CNTN6: variants seen among roughly 807,000 people sequenced by gnomAD.
The protein encoded by CNTN6 is contactin-6.
In CNTN6, 137 loss-of-function variants were observed where a neutral mutation model predicts 122.8. The observed-to-expected ratio is 1.12, with a 90% CI of 0.97 to 1.29. The LOEUF (loss-of-function observed/expected upper bound fraction) is 1.29, where lower values mean the gene tolerates loss of function less well. Among genes scored for constraint, CNTN6 ranks in the 50% most tolerant of loss-of-function variants. The pLI is 0.00. For synonymous variants in CNTN6, 570 were observed against 426.0 expected (o/e 1.34, Z -4.16); for missense variants, 1,634 against 1,223.4 (o/e 1.34, Z -5.01).
rs369696302 is a variant in CNTN6, at chr3:1,389,542, A to C, written c.2704+3745A>C. Reference sequence around the variant, plus strand: ...TCACCAGCTAACATCATAATATGACAGGATCAAATTCACACATAACAATAT... The same window carrying C: ...TCACCAGCTAACATCATAATATGACCGGATCAAATTCACACATAACAATAT... On this transcript the variant is annotated intron_variant, in intron 20 of 22. Coordinates refer to ENST00000446702, the MANE Select transcript of CNTN6 (RefSeq NM_001289080.2). Among the ~76,000 whole-genome samples, 6 of 150,942 alleles carry C rather than the reference A, an allele frequency of 4.0e-5. No homozygotes were observed. The South Asian group carries it at 6.3e-4, about 16-fold the overall frequency.
At chr3:1,214,474 A>T (rs1029885765) in intron 2 of CNTN6, among the ~76,000 whole-genome samples, 1 of 151,298 alleles carries the variant, frequency 6.6e-6, no homozygotes, top group South Asian at 2.1e-4. Context: ...ACGCCCAGCT[A>T]ATTTTTTATA....
chr3:1,108,741 T>G (rs2125005797), intron 1 of CNTN6, among the ~76,000 whole-genome samples: 1 of 152,204 alleles, frequency 6.6e-6, no homozygotes, highest in Admixed American at 6.5e-5. Context: ...CTTACCCGTT[T>G]AAGTTGAAAA....
chr3:1,329,816 T>C lies in CNTN6; in HGVS notation c.1245T>C (p.Val415=), dbSNP rs1559841240. 4 of 1,605,440 alleles carry C rather than the reference T, an allele frequency of 2.5e-6. No individual in the cohort carries two copies. The highest frequency in any genetic ancestry group is 3.4e-6 in the Non-Finnish European group (4 of 1,176,612). The change falls in exon 11 of 23, where the codon GTT becomes GTC. Residue 415 remains valine (V), a synonymous_variant. Transcript: ENST00000446702. ...ASAPDFSKSP[V]KKKSFVQVGG... ...CTCCAGATTTCTCCAAAAGTCCAGT[T>C]AAAAAAAAGTCTTTTGTTCAAGTTG... is the stretch of plus-strand genomic sequence containing the variant.
chr3:1,342,188 G>A (rs1192942558), intron 11 of CNTN6, among the ~76,000 whole-genome samples: 1 of 152,080 alleles, frequency 6.6e-6, no homozygotes, highest in Non-Finnish European at 1.5e-5. Flanking sequence ...TGAGTGTAGT[G>A]GCACGATCTC....
At chr3:1,360,697 G>T (rs541659869) in intron 12 of CNTN6, among the ~76,000 whole-genome samples, 22 of 151,446 alleles carry the variant, frequency 1.5e-4, no homozygotes, top group Middle Eastern at 3.4e-3. Flanking sequence ...TTATCTATAA[G>T]TTAATTCCCA....
chr3:1,110,284 A>C (rs997075247), intron 1 of CNTN6, among the ~76,000 whole-genome samples: 12 of 152,126 alleles, frequency 7.9e-5, no homozygotes, highest in African/African-American at 2.9e-4. Flanking sequence ...AACATATCCA[A>C]CTCTGCTAAA....
Position 1,191,008 on chromosome 3 carries a change from T to C in CNTN6, c.56-29679T>C, listed in dbSNP as rs371168911. Among the ~76,000 whole-genome samples, 5 of 152,326 alleles carry C rather than the reference T, an allele frequency of 3.3e-5. No individual in the cohort carries two copies. The East Asian group carries it at 9.6e-4, about 29-fold the overall frequency. ...AGAGCATGTTGAAAGTATTGACATG[T>C]ACTTTCAGCATGAGGAAAGGAAGTT... On this transcript the variant is annotated intron_variant, in intron 2 of 22. Coordinates refer to ENST00000446702, the MANE Select transcript of CNTN6 (RefSeq NM_001289080.2).
chr3:1,315,274 A>T (rs1182565656), intron 7 of CNTN6, among the ~76,000 whole-genome samples: 5 of 152,022 alleles, frequency 3.3e-5, no homozygotes, highest in African/African-American at 1.2e-4. Flanking sequence ...TAAATACTGC[A>T]TTGCTAGTAT....
intron 4 of CNTN6, among the ~76,000 whole-genome samples, chr3:1,250,354 C>T (rs986550564): frequency 6.6e-6 from 1 of 152,144 alleles, no homozygotes; most frequent in Non-Finnish European, 1.5e-5. Context: ...TTAGCTCACT[C>T]TATCCTCCAC....
chr3:1,289,676 G>T (rs1220238130), intron 5 of CNTN6, among the ~76,000 whole-genome samples: 5 of 137,808 alleles, frequency 3.6e-5, no homozygotes, highest in African/African-American at 5.3e-5. Context: ...GTTTTTTTGG[G>T]TTTTTTTTTT....
intron 4 of CNTN6, among the ~76,000 whole-genome samples, chr3:1,236,898 G>A (rs2094429629): frequency 6.6e-6 from 1 of 152,028 alleles, no homozygotes; most frequent in Non-Finnish European, 1.5e-5. Context: ...GGCTAACATG[G>A]TGAAACCCTG....
chr3:1,240,160 G>C (rs879879309), intron 4 of CNTN6, among the ~76,000 whole-genome samples: 1 of 152,022 alleles, frequency 6.6e-6, no homozygotes, highest in Non-Finnish European at 1.5e-5. Context: ...CAAAAACAAA[G>C]ATAAATACAT....
chr3:1,289,051 C>G (rs570430295), intron 5 of CNTN6, among the ~76,000 whole-genome samples: 2 of 152,094 alleles, frequency 1.3e-5, no homozygotes, highest in African/African-American at 4.8e-5. Flanking sequence ...CGTTAATAAC[C>G]GATAAATGTC....
intron 19 of CNTN6, 56 bp downstream of exon 19, chr3:1,383,464 G>C: frequency 2.3e-6 from 3 of 1,298,924 alleles, no homozygotes; most frequent in Non-Finnish European, 3.3e-6. Context: ...CTTCGCAATA[G>C]CTCCTATTCA....
In CNTN6 at chr3:1,325,855, C is replaced by G. The variant is rs868244411; in HGVS notation, c.987C>G (p.Leu329=). The G allele has an allele frequency of 4.3e-6, 7 of 1,611,806 alleles. 1 individual carries two copies. In the Middle Eastern group the frequency reaches 4.9e-4, roughly 114 times the overall value. The change falls in exon 9 of 23, where the codon CTC becomes CTG. Residue 329 remains leucine (L), a synonymous_variant. Transcript: ENST00000446702. The part of the protein sequence containing the change: ...EWEQKIQNTH[L]SIYDNLLWEC... ...AACAGAAAATCCAAAATACACACCT[C>G]TCTATCTATGACAACTTGCTCTGGG...
In CNTN6 at chr3:1,192,861, T is replaced by C. The variant is rs190648252; in HGVS notation, c.56-27826T>C. ...TAGTCTACCTTCAATGCATCCATTA[T>C]TGCTTCCTCAACTTAGCTCACCCAC... On this transcript the variant is annotated intron_variant, in intron 2 of 22. Transcript: ENST00000446702. Among the ~76,000 whole-genome samples the C allele has an allele frequency of 3.3e-5, 5 of 152,316 alleles. No individual in the cohort carries two copies. In the East Asian group the frequency reaches 5.8e-4, roughly 18 times the overall value.
chr3:1,373,567 A>G, intron 14 of CNTN6, 37 bp from the exon 15 acceptor site: 1 of 1,592,678 alleles, frequency 6.3e-7, no homozygotes, highest in South Asian at 1.1e-5. Flanking sequence ...GAATGTAAGT[A>G]TCTCCAATGG....
intron 17 of CNTN6, among the ~76,000 whole-genome samples, chr3:1,377,492 T>C (rs1710047882): frequency 6.6e-6 from 1 of 152,174 alleles, no homozygotes; most frequent in Non-Finnish European, 1.5e-5. Flanking sequence ...TCCCTGCATC[T>C]AGATGAAAGC....
chr3:1,283,644 C>A (rs1397518554), intron 5 of CNTN6, among the ~76,000 whole-genome samples: 2 of 152,016 alleles, frequency 1.3e-5, no homozygotes, highest in Admixed American at 1.3e-4. Context: ...CCCCCCTTCA[C>A]TATGTAGTAA....
Sources: allele counts gnomAD v4.1 joint callset (sites outside exome capture counted in the v4.1 genomes callset), GRCh38; gene constraint gnomAD v4.1.1; transcripts MANE v1.5; gene names NCBI Gene and HGNC (gene_info 2026-07-23, HGNC 2026-07-21).